CD99L2: variants seen among roughly 807,000 people sequenced by gnomAD.
The protein encoded by CD99L2 is CD99 molecule like 2, also known as CD99 antigen-like protein 2.
CD99L2 carries 24 observed loss-of-function variants against 27.3 expected under a neutral mutation model. The ratio of observed to expected loss-of-function variants is 0.88; its 90% confidence interval spans 0.64 to 1.24. The LOEUF (loss-of-function observed/expected upper bound fraction) is 1.24, where lower values mean the gene tolerates loss of function less well. Among genes scored for constraint, CD99L2 ranks in the 50% most tolerant of loss-of-function variants. The pLI is 0.00. For synonymous variants in CD99L2, 97 were observed against 87.9 expected, an observed-to-expected ratio of 1.10 and a Z score of -0.58; for missense variants, 255 against 221.6, an observed-to-expected ratio of 1.15 and a Z score of -0.96.
rs113812539 is a variant in CD99L2, at chrX:150,860,335, C to T, written c.68-29042G>A. Among the ~76,000 whole-genome samples, 418 of 111,600 alleles carry T rather than the reference C, an allele frequency of 3.7e-3. 2 individuals are homozygous for T. Among genetic ancestry groups the T allele is most frequent in the African/African-American group, 0.013 (397 of 30,711 alleles). ...AACATACGTTCAAAATACTAACAGC[C>T]ATATTGACAAACCCACAGCTAACAT... On this transcript the variant is annotated intron_variant, in intron 1 of 10. Transcript: ENST00000370377.
At chrX:150,822,798 T>G (rs1376070842) in intron 2 of CD99L2, among the ~76,000 whole-genome samples, 8 of 112,458 alleles carry the variant, frequency 7.1e-5, no homozygotes, top group Non-Finnish European at 3.8e-5. Flanking sequence ...AATTTTACAT[T>G]GTATGATTTT....
At chrX:150,859,687 C>T (rs1376538719) in intron 1 of CD99L2, among the ~76,000 whole-genome samples, 5 of 108,636 alleles carry the variant, frequency 4.6e-5, no homozygotes, top group Non-Finnish European at 9.6e-5. Context: ...TTAGTACAGA[C>T]GGGGTTTCAC....
intron 4 of CD99L2, among the ~76,000 whole-genome samples, chrX:150,799,729 C>T (rs975703612): frequency 9.0e-6 from 1 of 111,557 alleles, no homozygotes; most frequent in Middle Eastern, 4.6e-3. Flanking sequence ...TGAAAAATTA[C>T]AGGTATTGGT....
At chrX:150,860,672 A>G (rs1266092863) in intron 1 of CD99L2, among the ~76,000 whole-genome samples, 4 of 112,288 alleles carry the variant, frequency 3.6e-5, no homozygotes, top group African/African-American at 1.3e-4. Context: ...TACACAAATA[A>G]TGAAACAACC....
chrX:150,840,820 T>C (rs782503207), intron 1 of CD99L2, among the ~76,000 whole-genome samples: 78 of 110,889 alleles, frequency 7.0e-4, no homozygotes, highest in African/African-American at 2.4e-3. Context: ...ATTCTGATGG[T>C]TGCATTGTAG....
intron 10 of CD99L2, among the ~76,000 whole-genome samples, chrX:150,769,675 G>GT (rs1310061394): frequency 2.2e-5 from 2 of 90,946 alleles, no homozygotes; most frequent in Non-Finnish European, 3.9e-5. Context: ...TAGTCTCCCT[G>GT]CCTGCGCCAC....
chrX:150,777,110 A>G (rs2043569856), intron 8 of CD99L2: 4 of 297,144 alleles, frequency 1.3e-5, no homozygotes, highest in Non-Finnish European at 2.3e-5. Flanking sequence ...CAGAGGAAGC[A>G]ACCAGAGATG....
chrX:150,768,576 C>G lies in CD99L2; in HGVS notation c.*458G>C, dbSNP rs2043350866. 1 of 121,357 alleles carries G rather than the reference C, an allele frequency of 8.2e-6. No homozygotes were observed. Among genetic ancestry groups the G allele is most frequent in the Non-Finnish European group, 1.7e-5 (1 of 59,511 alleles). The allele number at this position is 121,357 out of a possible 1,213,427, so 10.0% of individuals were successfully genotyped here. ...AGTGGGTGCAGGCTGAGCCCCCCAC[C>G]TGCAGCTCCTTGAGGCCACTGTCAG... On this transcript the variant is annotated 3_prime_UTR_variant, in exon 11 of 11. Transcript: ENST00000370377.
chrX:150,774,190 A>G (rs1157385719), intron 9 of CD99L2, among the ~76,000 whole-genome samples: 1 of 112,070 alleles, frequency 8.9e-6, no homozygotes, highest in African/African-American at 3.2e-5. Flanking sequence ...AGTCAGTCAT[A>G]CAGGAAAGAT....
chrX:150,838,728 G>T (rs1204481418), intron 1 of CD99L2, among the ~76,000 whole-genome samples: 5 of 106,260 alleles, frequency 4.7e-5, no homozygotes, highest in African/African-American at 6.8e-5. Context: ...AACTTTTTGG[G>T]TTTTTTTGTA....
At chrX:150,843,277 G>A (rs1352957068) in intron 1 of CD99L2, among the ~76,000 whole-genome samples, 1 of 111,766 alleles carries the variant, frequency 8.9e-6, no homozygotes, top group African/African-American at 3.3e-5. Flanking sequence ...TTACAATTTG[G>A]GGGGAAGATG....
intron 1 of CD99L2, among the ~76,000 whole-genome samples, chrX:150,849,077 C>T (rs4240082): frequency 0.42 from 45,930 of 110,287 alleles, 8,673 homozygotes; most frequent in East Asian, 0.78. Flanking sequence ...GTCATACTGC[C>T]GGGAAACAGC....
At chrX:150,862,786 T>C (rs2046997818) in intron 1 of CD99L2, among the ~76,000 whole-genome samples, 2 of 108,395 alleles carry the variant, frequency 1.8e-5, no homozygotes, top group Admixed American at 1.0e-4. Context: ...ACAGCAGTTG[T>C]CATCTATTTA....
intron 1 of CD99L2, among the ~76,000 whole-genome samples, chrX:150,886,458 A>G (rs2047410966): frequency 8.9e-6 from 1 of 112,685 alleles, no homozygotes. Flanking sequence ...TATTCAGTAC[A>G]GTCACATTGC....
At chrX:150,856,455 A>C (rs16996758) in intron 1 of CD99L2, among the ~76,000 whole-genome samples, 142 of 111,465 alleles carry the variant, frequency 1.3e-3, no homozygotes, top group African/African-American at 4.5e-3. Context: ...AGTAACACCA[A>C]AATGTTCCAG....
intron 2 of CD99L2, among the ~76,000 whole-genome samples, chrX:150,820,798 C>T (rs1453964059): frequency 1.6e-4 from 18 of 111,345 alleles, no homozygotes; most frequent in Non-Finnish European, 3.2e-4. Context: ...ATAAAAAAAA[C>T]TATTAAAACT....
rs1406823152 is a variant in CD99L2, at chrX:150,860,742, T to C, written c.68-29449A>G. ...TAGTTACCAAAAAAAGTAAAATAAA[T>C]TTAACCAAGGAGGTGAAAGATCTCT... On this transcript the variant is annotated intron_variant, in intron 1 of 10. Coordinates refer to ENST00000370377, the MANE Select transcript of CD99L2 (RefSeq NM_031462.4). Among the ~76,000 whole-genome samples the C allele has an allele frequency of 7.2e-5, 8 of 111,392 alleles. No homozygotes were observed. The East Asian group carries it at 1.4e-3, about 19-fold the overall frequency.
At chrX:150,769,869 G>C (rs999258465) in intron 10 of CD99L2, among the ~76,000 whole-genome samples, 5 of 113,236 alleles carry the variant, frequency 4.4e-5, no homozygotes, top group Admixed American at 1.9e-4. Context: ...AGAAGGGGGA[G>C]GGAGGGGCAC....
intron 2 of CD99L2, among the ~76,000 whole-genome samples, chrX:150,824,631 A>G (rs902354262): frequency 5.3e-5 from 5 of 94,150 alleles, no homozygotes; most frequent in Non-Finnish European, 1.0e-4. Context: ...GAAGGAGGAG[A>G]AGAAGGAGGA....
Sources: gnomAD v4.1 joint callset for allele counts (sites outside exome capture counted in the v4.1 genomes callset) on GRCh38, gnomAD v4.1.1 for gene constraint, MANE v1.5 for transcripts, NCBI Gene and HGNC (gene_info 2026-07-23, HGNC 2026-07-21) for gene names.